Variants in ABHD6 observed in about 807,000 individuals in gnomAD.
The protein encoded by ABHD6 is abhydrolase domain containing 6, acylglycerol lipase, also known as monoacylglycerol lipase ABHD6.
In ABHD6, 33 loss-of-function variants were observed where a neutral mutation model predicts 38.8. The observed-to-expected ratio is 0.85, with a 90% CI of 0.64 to 1.14. The LOEUF (loss-of-function observed/expected upper bound fraction) is 1.14. ABHD6 is among the 50% of genes most tolerant of loss of function. ABHD6 has a pLI of 0.00. For synonymous variants in ABHD6, 147 were observed against 161.6 expected, an observed-to-expected ratio of 0.91 and a Z score of 0.69; for missense variants, 380 against 422.6, an observed-to-expected ratio of 0.90 and a Z score of 0.88.
At chr3:58,284,490 G>A (rs1046882591) in intron 7 of ABHD6, among the ~76,000 whole-genome samples, 12 of 149,318 alleles carry the variant, frequency 8.0e-5, no homozygotes, top group East Asian at 2.0e-4. Context: ...TCTCACTGTC[G>A]CCCAGGTTGG....
At chr3:58,240,218 G>T (rs916639501) in intron 1 of ABHD6, among the ~76,000 whole-genome samples, 1 of 152,016 alleles carries the variant, frequency 6.6e-6, no homozygotes, top group African/African-American at 2.4e-5. Flanking sequence ...TTGGAAATCA[G>T]CTTCACTATG....
chr3:58,290,223 C>T lies in ABHD6; in HGVS notation c.838-3366C>T, dbSNP rs1247107244. Among the ~76,000 whole-genome samples the T allele has an allele frequency of 1.4e-3, 164 of 120,342 alleles. 9 individuals carry two copies. The highest frequency in any genetic ancestry group is 4.9e-3 in the African/African-American group (146 of 29,674). 78.9% of individuals were successfully genotyped at this position (120,342 alleles called of 152,430 possible). A position where few individuals can be genotyped will look rare whatever the true frequency, so the allele number is the denominator to read the frequency against. On this transcript the variant is annotated intron_variant, in intron 9 of 9. Coordinates refer to ENST00000478253, the MANE Select transcript of ABHD6 (RefSeq NM_001320126.2). ...CGGCTGGCTGGGCAGAGGGGCTCCT[C>T]ACTTCCCAGTAGGGGCGGCTGGGCA... is the stretch of plus-strand genomic sequence containing the variant.
chr3:58,271,448 C>T (rs144496398), intron 6 of ABHD6, among the ~76,000 whole-genome samples: 9 of 152,046 alleles, frequency 5.9e-5, no homozygotes, highest in African/African-American at 9.6e-5. Context: ...CGGGCTCTTA[C>T]GAGCTAAGCT....
rs947218296 is a variant in ABHD6, at chr3:58,287,326, C to G, written c.837+1873C>G. ...AAAGAATACAGAGTATACCTGCATA[C>G]CCTTTACCTAAATGCATCAATTTTT... On this transcript the variant is annotated intron_variant, in intron 9 of 9. Transcript: ENST00000478253. The surrounding 1 kb of genome is among the most constrained non-coding windows in gnomAD (Gnocchi z 4.7). Among the ~76,000 whole-genome samples the G allele has an allele frequency of 1.3e-5, 2 of 151,884 alleles. No homozygotes were observed. The highest frequency in any genetic ancestry group is 4.8e-5 in the African/African-American group (2 of 41,394).
chr3:58,290,297 G>A (rs1288617069), intron 9 of ABHD6, among the ~76,000 whole-genome samples: 1 of 120,948 alleles, frequency 8.3e-6, no homozygotes, highest in Admixed American at 8.2e-5. Context: ...GCGGGGGGCT[G>A]ACCCCCCCCA....
At chr3:58,245,031 C>T (rs2097425357) in intron 1 of ABHD6, among the ~76,000 whole-genome samples, 2 of 152,208 alleles carry the variant, frequency 1.3e-5, no homozygotes, top group South Asian at 4.1e-4. Context: ...ACCCTGAATG[C>T]TAGACTTTGT....
chr3:58,280,371 T>G (rs1445702995), intron 7 of ABHD6, among the ~76,000 whole-genome samples: 1 of 152,194 alleles, frequency 6.6e-6, no homozygotes, highest in East Asian at 1.9e-4. Flanking sequence ...TTTCTTTCAC[T>G]TCATCAAATT....
At chr3:58,288,011 C>G (rs1180197451) in intron 9 of ABHD6, among the ~76,000 whole-genome samples, 1 of 152,162 alleles carries the variant, frequency 6.6e-6, no homozygotes, top group East Asian at 1.9e-4. Flanking sequence ...AATGCATGGT[C>G]CAAATTTTTT....
chr3:58,278,604 G>A (rs1240552338), intron 7 of ABHD6, among the ~76,000 whole-genome samples: 1 of 152,120 alleles, frequency 6.6e-6, no homozygotes, highest in Non-Finnish European at 1.5e-5. Context: ...ATCTCTTTCA[G>A]TTCTGTTCTG....
At position 58,267,509 on chromosome 3, in the gene ABHD6, T is replaced by TA. The variant is rs1276993785; in HGVS notation, c.276+170dup. 1.3e-5 allele frequency among the ~76,000 whole-genome samples: 2 copies of TA among 151,358 alleles called. No homozygotes were observed. The highest frequency in any genetic ancestry group is 2.9e-5 in the Non-Finnish European group (2 of 67,852). ...AAGAAACCCTGTCTCTACAAAAAAT[T>TA]AAAAAATTAGCCAGGTGTGGTGGTG... On this transcript the variant is annotated intron_variant, in intron 4 of 9. Transcript: ENST00000478253. This position sits in a 1 kb window ranked among gnomAD's most constrained non-coding sequence, Gnocchi z 4.3.
At chr3:58,283,977 A>T (rs1026710045) in intron 7 of ABHD6, among the ~76,000 whole-genome samples, 13 of 152,208 alleles carry the variant, frequency 8.5e-5, no homozygotes, top group African/African-American at 3.1e-4. Context: ...CATAGCAGCC[A>T]TGGCTGGTTC....
chr3:58,243,034 C>G (rs377253002), intron 1 of ABHD6, among the ~76,000 whole-genome samples: 1 of 152,162 alleles, frequency 6.6e-6, no homozygotes, highest in East Asian at 1.9e-4. Context: ...ATCCATGTCC[C>G]TACAAAGGAC....
At chr3:58,286,799 A>G (rs1429861578) in intron 9 of ABHD6, among the ~76,000 whole-genome samples, 1 of 136,274 alleles carries the variant, frequency 7.3e-6, no homozygotes. Flanking sequence ...ATAGGTGTGC[A>G]TATAAGATAT....
At chr3:58,264,842 T>G (rs1473206400) in intron 3 of ABHD6, among the ~76,000 whole-genome samples, 1 of 152,174 alleles carries the variant, frequency 6.6e-6, no homozygotes, top group Non-Finnish European at 1.5e-5. Context: ...CCATGTGAAA[T>G]AAGCACATCA....
Position 58,257,951 on chromosome 3 carries a change from G to A in ABHD6, c.119+1246G>A, listed in dbSNP as rs1186474462. Among the ~76,000 whole-genome samples, 6 of 151,938 alleles carry A rather than the reference G, an allele frequency of 3.9e-5. No individual in the cohort carries two copies. Among genetic ancestry groups the A allele is most frequent in the Non-Finnish European group, 5.9e-5 (4 of 67,994 alleles). On this transcript the variant is annotated intron_variant, in intron 3 of 9. Transcript: ENST00000478253. This position sits in a 1 kb window ranked among gnomAD's most constrained non-coding sequence, Gnocchi z 4.8. ...CTTTTTAAAAAAATCCTTAAATCAA[G>A]TATTTAAAAAGTGATATGAATATCA...
rs186291738 is a variant in ABHD6 at position 58,263,069 on chromosome 3, G to C, written c.120-4120G>C. On this transcript the variant is annotated intron_variant, in intron 3 of 9. Transcript: ENST00000478253. This position sits in a 1 kb window ranked among gnomAD's most constrained non-coding sequence, Gnocchi z 4.9. ...CTACAAATACGAAAATTAGCCAGGC[G>C]TGGTGGCACGCGCCTGTAGTCCCAG... 6.6e-6 allele frequency among the ~76,000 whole-genome samples: 1 copy of C among 152,192 alleles called. No homozygotes were observed. Among genetic ancestry groups the C allele is most frequent in the African/African-American group, 2.4e-5 (1 of 41,438 alleles).
chr3:58,254,511 G>A (rs1414747749), intron 2 of ABHD6, among the ~76,000 whole-genome samples: 4 of 152,152 alleles, frequency 2.6e-5, no homozygotes, highest in Non-Finnish European at 4.4e-5. Flanking sequence ...TGGTCGAGAG[G>A]TTATACTGTG....
intron 3 of ABHD6, among the ~76,000 whole-genome samples, chr3:58,262,326 C>T (rs1201101699): frequency 6.6e-6 from 1 of 152,128 alleles, no homozygotes; most frequent in Non-Finnish European, 1.5e-5. Flanking sequence ...TATGTTATGT[C>T]TGTTTTACCA....
intron 1 of ABHD6, among the ~76,000 whole-genome samples, chr3:58,245,606 C>T (rs961005661): frequency 2.6e-5 from 4 of 152,084 alleles, no homozygotes; most frequent in African/African-American, 9.7e-5. Flanking sequence ...TGGCAAAACC[C>T]TGTCTCTACT....
Sources: gnomAD v4.1 joint callset for allele counts (sites outside exome capture counted in the v4.1 genomes callset) on GRCh38, gnomAD v4.1.1 for gene constraint, Gnocchi (gnomAD v3.1) non-coding constraint, MANE v1.5 for transcripts, NCBI Gene and HGNC (gene_info 2026-07-23, HGNC 2026-07-21) for gene names.